Variants in MTFR1 observed in about 807,000 individuals in gnomAD.
MTFR1 encodes the protein chondrocyte protein with a poly-proline region.
MTFR1 carries 28 observed loss-of-function variants against 38.8 expected under a neutral mutation model. The observed-to-expected ratio is 0.72, with a 90% CI of 0.53 to 0.99. The LOEUF (loss-of-function observed/expected upper bound fraction) is 0.99. Ranked by LOEUF, MTFR1 falls within the 50% of genes least tolerant of loss-of-function variation. The pLI is 0.00. For synonymous variants in MTFR1, 145 were observed against 137.0 expected, an observed-to-expected ratio of 1.06 and a Z score of -0.41; for missense variants, 358 against 395.5, an observed-to-expected ratio of 0.91 and a Z score of 0.81.
chr8:65,660,583 A>C (rs936343197), intron 1 of MTFR1, among the ~76,000 whole-genome samples: 1 of 152,186 alleles, frequency 6.6e-6, no homozygotes, highest in African/African-American at 2.4e-5. Context: ...TCAGACTGAG[A>C]TTTAACACTA....
At chr8:65,655,810 A>T (rs1342338253) in intron 1 of MTFR1, among the ~76,000 whole-genome samples, 2 of 150,872 alleles carry the variant, frequency 1.3e-5, no homozygotes, top group Non-Finnish European at 2.9e-5. Context: ...TTAGCTGGGC[A>T]TGGTGGTGCG....
At chr8:65,698,037 C>T (rs1246493811) in intron 4 of MTFR1, among the ~76,000 whole-genome samples, 2 of 151,584 alleles carry the variant, frequency 1.3e-5, no homozygotes, top group African/African-American at 4.8e-5. Flanking sequence ...TTTTATTGAT[C>T]GTGCTTTTGG....
chr8:65,659,927 C>T (rs1809365497), intron 1 of MTFR1, among the ~76,000 whole-genome samples: 1 of 152,142 alleles, frequency 6.6e-6, no homozygotes, highest in African/African-American at 2.4e-5. Flanking sequence ...TATTCTTTAT[C>T]TCTAGCCGAC....
At chr8:65,719,631 A>G (rs758219762) in intron 3 of MTFR1, 15 of 641,498 alleles carry the variant, frequency 2.3e-5, no homozygotes, top group African/African-American at 5.5e-5. Context: ...ATTCCTGTGT[A>G]TGTGTAGGTG....
chr8:65,668,267 T>C (rs1290026543), intron 1 of MTFR1, among the ~76,000 whole-genome samples: 5 of 137,602 alleles, frequency 3.6e-5, no homozygotes, highest in Admixed American at 8.1e-5. Flanking sequence ...AACCCCCACC[T>C]CCCGGGATCA....
At chr8:65,723,668 G>C (rs1188655884) in intron 3 of MTFR1, 1 of 1,302,876 alleles carries the variant, frequency 7.7e-7, no homozygotes, top group Admixed American at 2.7e-5. Flanking sequence ...ATATCTATTG[G>C]TTAAATATAT....
chr8:65,771,164 G>A (rs1809068713), exon 4 of MTFR1: 2 of 190,320 alleles, frequency 1.1e-5, no homozygotes, highest in Non-Finnish European at 2.2e-5. Context: ...AACTGGTCAG[G>A]TATCTTAGAT....
At chr8:65,708,947 C>A (rs752151965) in intron 7 of MTFR1, 29 bp from the exon 8 acceptor site, 36 of 1,608,080 alleles carry the variant, frequency 2.2e-5, no homozygotes, top group Non-Finnish European at 3.1e-5. Flanking sequence ...GAACCAATAT[C>A]TTTATTTATA....
chr8:65,663,713 A>G (rs1804280248), intron 1 of MTFR1, among the ~76,000 whole-genome samples: 1 of 151,150 alleles, frequency 6.6e-6, no homozygotes, highest in Non-Finnish European at 1.5e-5. Context: ...TGGGAGTGTA[A>G]TTGGTCCAAT....
At chr8:65,722,355 G>A (rs1327075674) in intron 3 of MTFR1, 1 of 152,240 alleles carries the variant, frequency 6.6e-6, no homozygotes, top group Non-Finnish European at 1.5e-5. Context: ...TCTTCCATGA[G>A]TATCCATTGC....
chr8:65,696,701 C>T (rs1263918418), intron 4 of MTFR1, among the ~76,000 whole-genome samples: 2 of 152,126 alleles, frequency 1.3e-5, no homozygotes, highest in African/African-American at 4.8e-5. Context: ...CACTCTGTCA[C>T]CCAGGCTGGA....
At chr8:65,676,595 C>T (rs553587411) in intron 2 of MTFR1, among the ~76,000 whole-genome samples, 1 of 152,136 alleles carries the variant, frequency 6.6e-6, no homozygotes, top group East Asian at 1.9e-4. Context: ...AACTCCTGAC[C>T]TCAAGTGATC....
chr8:65,767,234 T>C (rs1175269517), intron 3 of MTFR1, among the ~76,000 whole-genome samples: 1 of 152,164 alleles, frequency 6.6e-6, no homozygotes, highest in East Asian at 1.9e-4. Context: ...CCTCAGATTT[T>C]TGTTACGTAA....
intron 3 of MTFR1, chr8:65,724,795 G>A (rs767623020): frequency 1.2e-6 from 2 of 1,607,510 alleles, no homozygotes; most frequent in East Asian, 2.2e-5. Flanking sequence ...CCAAATGTCT[G>A]TGTCTGGTGT....
intron 3 of MTFR1, among the ~76,000 whole-genome samples, chr8:65,729,962 G>GT (rs968274164): frequency 1.3e-5 from 2 of 151,836 alleles, no homozygotes; most frequent in Non-Finnish European, 2.9e-5. Flanking sequence ...GGACAAGGCG[G>GT]TCCTCGCAGG....
chr8:65,684,981 G>A (rs1366282728), intron 3 of MTFR1, among the ~76,000 whole-genome samples: 1 of 152,106 alleles, frequency 6.6e-6, no homozygotes, highest in East Asian at 1.9e-4. Flanking sequence ...TCCAGCCTGG[G>A]CAATAAGAGT....
chr8:65,687,592 G>T (rs564208621), intron 3 of MTFR1, among the ~76,000 whole-genome samples: 3 of 151,936 alleles, frequency 2.0e-5, no homozygotes, highest in Non-Finnish European at 4.4e-5. Flanking sequence ...TGATCCGCCC[G>T]CCTCGGCCTC....
At chr8:65,760,475 C>A (rs1808435135) in intron 3 of MTFR1, among the ~76,000 whole-genome samples, 1 of 152,102 alleles carries the variant, frequency 6.6e-6, no homozygotes, top group African/African-American at 2.4e-5. Flanking sequence ...AGAAGTAGAA[C>A]AAGGAATAGG....
At chr8:65,676,554 GGGTTTCACCATGTT>G (rs1414720117) in intron 2 of MTFR1, among the ~76,000 whole-genome samples, 2 of 152,066 alleles carry the variant, frequency 1.3e-5, no homozygotes, top group Non-Finnish European at 2.9e-5. Context: ...AGTAAAGACA[GGGTTTCACCATGTT>G]GGCCAGGCTG....
Sources: gnomAD v4.1 joint callset for allele counts (sites outside exome capture counted in the v4.1 genomes callset) on GRCh38, gnomAD v4.1.1 for gene constraint, MANE v1.5 for transcripts, NCBI Gene and HGNC (gene_info 2026-07-23, HGNC 2026-07-21) for gene names.